The following SDC1 variants were observed in gnomAD, a reference collection of about 807,000 sequenced individuals.
The protein encoded by SDC1 is syndecan 1.
SDC1 carries 14 observed loss-of-function variants against 29.7 expected under a neutral mutation model. That is an observed-to-expected ratio of 0.47 (90% confidence interval 0.31 to 0.74). The LOEUF is 0.74. Ranked by LOEUF, SDC1 falls within the 30% of genes least tolerant of loss-of-function variation. SDC1 has a pLI of 0.05. For missense variants in SDC1, 406 were observed against 400.3 expected (o/e 1.01, Z -0.12); for synonymous variants, 204 against 175.5 (o/e 1.16, Z -1.29).
rs1314900249 is a variant in SDC1, at chr2:20,224,677, T to A, written c.66+125A>T. Reference sequence around the variant, plus strand: ...CGGGGCTCACCGTCCCGGGACCCGCTGGGCTAGCGCGGGAAGAAGGGAAGT... The same window carrying A: ...CGGGGCTCACCGTCCCGGGACCCGCAGGGCTAGCGCGGGAAGAAGGGAAGT... On this transcript the variant is annotated intron_variant, in intron 1 of 4. Coordinates refer to ENST00000254351, the MANE Select transcript of SDC1 (RefSeq NM_002997.5). The surrounding 1 kb of genome is among the most constrained non-coding windows in gnomAD (Gnocchi z 4.9). 1 of 1,121,036 alleles carries A rather than the reference T, an allele frequency of 8.9e-7. No individual in the cohort carries two copies. The highest frequency in any genetic ancestry group is 1.7e-5 in the African/African-American group (1 of 60,272). 69.4% of individuals were successfully genotyped at this position (1,121,036 alleles called of 1,614,324 possible). A position where few individuals can be genotyped will look rare whatever the true frequency, so the allele number is the denominator to read the frequency against.
Position 20,204,061 on chromosome 2 carries a change from C to T in SDC1, c.379G>A (p.Glu127Lys). The change falls in exon 3 of 5, where the codon GAG becomes AAG. Residue 127 changes from glutamate to lysine, a missense_variant. Transcript: ENST00000254351. The part of the protein sequence containing the change: ...REQEATPRPR[E>K]TTQLPTTHLA... ...TGAGTGGTCGGGAGCTGTGTGGTCT[C>T]CCTGGGTCGGGGGGTGGCCTCCTGC... 2 of 1,611,546 alleles carry T rather than the reference C, an allele frequency of 1.2e-6. No individual in the cohort carries two copies. Among genetic ancestry groups the T allele is most frequent in the Non-Finnish European group, 1.7e-6 (2 of 1,179,346 alleles).
At chr2:20,216,521 G>T (rs763520263) in intron 1 of SDC1, among the ~76,000 whole-genome samples, 5 of 152,150 alleles carry the variant, frequency 3.3e-5, no homozygotes, top group Non-Finnish European at 7.3e-5. Context: ...CATCATATTC[G>T]CCTGGAACAC....
At chr2:20,207,595 C>T (rs1677320560) in intron 1 of SDC1, among the ~76,000 whole-genome samples, 1 of 152,190 alleles carries the variant, frequency 6.6e-6, no homozygotes, top group Non-Finnish European at 1.5e-5. Flanking sequence ...GTCCCAGCTA[C>T]TTGGGAGGCT....
chr2:20,212,285 G>A (rs575311757), intron 1 of SDC1, among the ~76,000 whole-genome samples: 1 of 152,354 alleles, frequency 6.6e-6, no homozygotes, highest in African/African-American at 2.4e-5. Flanking sequence ...ATTACGGGGT[G>A]GTGCCAGAAA....
intron 2 of SDC1, 61 bp downstream of exon 2, chr2:20,205,282 A>G: frequency 7.9e-7 from 1 of 1,263,182 alleles, no homozygotes; most frequent in Non-Finnish European, 1.2e-6. Flanking sequence ...CTGCCTGACC[A>G]CTGCCCACAG....
rs532363042 is a variant in SDC1, at chr2:20,223,169, C to T, written c.66+1633G>A. The T allele has an allele frequency of 2.4e-5, 26 of 1,084,070 alleles. No individual in the cohort carries two copies. The East Asian group carries it at 1.4e-3, about 59-fold the overall frequency. The allele number at this position is 1,084,070 out of a possible 1,614,324, so 67.2% of individuals were successfully genotyped here. A position where few individuals can be genotyped will look rare whatever the true frequency, so the allele number is the denominator to read the frequency against. On this transcript the variant is annotated intron_variant, in intron 1 of 4. Transcript: ENST00000254351. ...CAGTTCAATAGGCACAGGGACCTCT[C>T]CTGGACCGGAAAATGTCTGGAAGCA... is the stretch of plus-strand genomic sequence containing the variant.
intron 3 of SDC1, 51 bp downstream of exon 3, chr2:20,203,762 G>A: frequency 7.5e-7 from 1 of 1,330,498 alleles, no homozygotes; most frequent in Non-Finnish European, 1.0e-6. Context: ...CCAAGTGCCA[G>A]GCATTAGGAC....
Position 20,202,910 on chromosome 2 carries a change from C to A in SDC1, c.789G>T (p.Gly263=), listed in dbSNP as rs1558429313. 6.2e-7 allele frequency: 1 copy of A among 1,612,604 alleles called. No individual in the cohort carries two copies. ...CCACCAGGCACACAGCAAAGATGAG[C>A]CCCACGAGGCCTCCGGCAATGACCC... ...LGGVIAGGLV[G]LIFAVCLVGF... Residue 263 remains glycine (G), a synonymous_variant, in exon 5 of 5, where the codon GGG becomes GGT. Coordinates refer to ENST00000254351, the MANE Select transcript of SDC1 (RefSeq NM_002997.5).
chr2:20,219,470 C>T (rs562916105), intron 1 of SDC1, among the ~76,000 whole-genome samples: 1 of 152,362 alleles, frequency 6.6e-6, no homozygotes, highest in South Asian at 2.1e-4. Flanking sequence ...AGCCCAGGGT[C>T]TTGCCTCTGC....
intron 1 of SDC1, among the ~76,000 whole-genome samples, chr2:20,221,884 C>G (rs1046712869): frequency 2.4e-4 from 37 of 152,226 alleles, no homozygotes; most frequent in African/African-American, 8.4e-4. Flanking sequence ...CTAGAAGGCT[C>G]TGAGCCTGAG....
At chr2:20,220,111 G>T (rs1289395030) in intron 1 of SDC1, among the ~76,000 whole-genome samples, 3 of 152,196 alleles carry the variant, frequency 2.0e-5, no homozygotes, top group African/African-American at 7.2e-5. Flanking sequence ...TACTTCCTGT[G>T]AGGAGCTCTC....
intron 1 of SDC1, among the ~76,000 whole-genome samples, chr2:20,222,180 C>T (rs952431909): frequency 3.3e-5 from 5 of 152,120 alleles, no homozygotes; most frequent in Admixed American, 2.6e-4. Context: ...TTTTGAGCAA[C>T]CTCCTCTCCT....
At chr2:20,203,327 C>T (rs1020861333) in intron 3 of SDC1, 105 bp from the exon 4 acceptor site, 1 of 1,349,124 alleles carries the variant, frequency 7.4e-7, no homozygotes, top group Non-Finnish European at 1.0e-6. Context: ...TGATCTTTGC[C>T]ACCACCCACT....
At chr2:20,211,967 G>A (rs922028179) in intron 1 of SDC1, among the ~76,000 whole-genome samples, 1 of 152,246 alleles carries the variant, frequency 6.6e-6, no homozygotes, top group African/African-American at 2.4e-5. Context: ...GGAAAGGGCT[G>A]GAATCCGCCA....
At chr2:20,223,788 G>A in intron 1 of SDC1, among the ~76,000 whole-genome samples, 1 of 152,252 alleles carries the variant, frequency 6.6e-6, no homozygotes, top group Non-Finnish European at 1.5e-5. Flanking sequence ...GGTGGCCGGG[G>A]CGGGAGAGCC....
chr2:20,221,098 T>C (rs1677801591), intron 1 of SDC1, among the ~76,000 whole-genome samples: 1 of 152,152 alleles, frequency 6.6e-6, no homozygotes, highest in Admixed American at 6.5e-5. Context: ...TTTGTTACTC[T>C]AGGTGGGGTG....
intron 1 of SDC1, among the ~76,000 whole-genome samples, chr2:20,212,044 G>A (rs749270601): frequency 3.3e-5 from 5 of 152,224 alleles, no homozygotes; most frequent in East Asian, 3.9e-4. Flanking sequence ...CCACCTAGAC[G>A]CCAGAAGGGG....
chr2:20,215,322 GC>G lies in SDC1; in HGVS notation c.66+9479del. ...GCCTCCTCTCCCATCTGCCAGCCCAGCCCATACCTTCTCAGGTCAGGAGGCA... is the reference window on the plus strand; with the variant it reads ...GCCTCCTCTCCCATCTGCCAGCCCAGCCATACCTTCTCAGGTCAGGAGGCA... On this transcript the variant is annotated intron_variant, in intron 1 of 4. Coordinates refer to ENST00000254351, the MANE Select transcript of SDC1 (RefSeq NM_002997.5). Among the ~76,000 whole-genome samples, 3 of 152,334 alleles carry G rather than the reference GC, an allele frequency of 2.0e-5. No homozygotes were observed. In the South Asian group the frequency reaches 6.2e-4, roughly 32 times the overall value.
At chr2:20,213,693 C>T (rs3732163) in intron 1 of SDC1, among the ~76,000 whole-genome samples, 44,652 of 152,130 alleles carry the variant, frequency 0.29, 6,883 homozygotes, top group Middle Eastern at 0.38. Flanking sequence ...ACTGAGAAGC[C>T]CAGCCCTGTC....
Sources: allele counts gnomAD v4.1 joint callset (sites outside exome capture counted in the v4.1 genomes callset), GRCh38; gene constraint gnomAD v4.1.1; non-coding constraint Gnocchi (gnomAD v3.1); transcripts MANE v1.5; gene names NCBI Gene and HGNC (gene_info 2026-07-23, HGNC 2026-07-21).